Variants in DAB1 observed in about 807,000 individuals in gnomAD.
The protein encoded by DAB1 is DAB adaptor protein 1.
A neutral mutation model predicts 64.6 loss-of-function variants in DAB1; 15 were observed. That is an observed-to-expected ratio of 0.23 (90% CI 0.16 to 0.36). The LOEUF (loss-of-function observed/expected upper bound fraction) is 0.36. Among genes scored for constraint, DAB1 ranks in the 10% least tolerant of loss-of-function variants. DAB1 has a pLI of 1.00. For missense variants in DAB1, 596 were observed against 706.7 expected, an observed-to-expected ratio of 0.84 and a Z score of 1.78; for synonymous variants, 235 against 251.9, an observed-to-expected ratio of 0.93 and a Z score of 0.64.
At chr1:57,155,279 G>T (rs1234989857) in intron 2 of DAB1, among the ~76,000 whole-genome samples, 1 of 152,104 alleles carries the variant, frequency 6.6e-6, no homozygotes, top group Non-Finnish European at 1.5e-5. Context: ...TTATTAGAGA[G>T]ACTTTTTTTT....
At chr1:57,844,910 G>A (rs1322820210) in intron 1 of DAB1, among the ~76,000 whole-genome samples, 1 of 152,060 alleles carries the variant, frequency 6.6e-6, no homozygotes, top group Non-Finnish European at 1.5e-5. Flanking sequence ...CTTCAGCCTT[G>A]GAAATGGCAA....
chr1:57,151,852 T>A (rs1659703719), intron 2 of DAB1, among the ~76,000 whole-genome samples: 1 of 148,626 alleles, frequency 6.7e-6, no homozygotes, highest in South Asian at 2.2e-4. Flanking sequence ...CTCGCTCTAT[T>A]GCCCAGGCTG....
chr1:58,146,305 T>C (rs1654588411), intron 5 of DAB1, among the ~76,000 whole-genome samples: 1 of 152,182 alleles, frequency 6.6e-6, no homozygotes, highest in Admixed American at 6.5e-5. Context: ...CAAATTAACA[T>C]ATCCATATGT....
chr1:57,656,601 T>C lies in DAB1; in HGVS notation n.552-6936A>G, dbSNP rs190220757. Among the ~76,000 whole-genome samples, 29 of 152,262 alleles carry C rather than the reference T, an allele frequency of 1.9e-4. No homozygotes were observed. The East Asian group carries it at 3.9e-3, about 20-fold the overall frequency. ...CTAGATCTTGGAATAAGCCCAAAGT[T>C]CTCAAGCACAGCTCCCAAAAAACCA... On this transcript the variant is annotated intron_variant and non_coding_transcript_variant, in intron 6 of 20. Coordinates refer to the DAB1 transcript ENST00000485760.
chr1:57,975,868 C>A (rs1407407856), intron 5 of DAB1, among the ~76,000 whole-genome samples: 2 of 152,224 alleles, frequency 1.3e-5, no homozygotes, highest in Admixed American at 6.5e-5. Context: ...CGTAACACTA[C>A]AAATGTGCTT....
chr1:57,353,114 TACACACACACAC>T (rs10572319), intron 1 of DAB1, among the ~76,000 whole-genome samples: 27 of 145,636 alleles, frequency 1.9e-4, no homozygotes, highest in African/African-American at 5.3e-4. Context: ...TTTTTTTCCA[TACACACACACAC>T]ACACACACAC....
intron 5 of DAB1, among the ~76,000 whole-genome samples, chr1:58,025,651 G>GTGTATGTA (rs1264790564): frequency 1.3e-5 from 1 of 75,290 alleles, no homozygotes; most frequent in Non-Finnish European, 3.1e-5. Context: ...ATATATGTGT[G>GTGTATGTA]TATATATATA....
At chr1:57,042,982 A>G (rs1156427628) in intron 9 of DAB1, among the ~76,000 whole-genome samples, 2 of 152,104 alleles carry the variant, frequency 1.3e-5, no homozygotes, top group African/African-American at 4.8e-5. Flanking sequence ...AAATTACTCC[A>G]TTTCTAACTT....
intron 5 of DAB1, among the ~76,000 whole-genome samples, chr1:57,920,060 A>G (rs781000439): frequency 1.3e-5 from 2 of 152,110 alleles, no homozygotes; most frequent in Non-Finnish European, 2.9e-5. Context: ...TGACATTCCA[A>G]TGTAGTTAGA....
At chr1:57,858,578 A>T (rs1653862707) in intron 1 of DAB1, among the ~76,000 whole-genome samples, 1 of 151,598 alleles carries the variant, frequency 6.6e-6, no homozygotes, top group African/African-American at 2.4e-5. Context: ...ACAGAACTCC[A>T]CCTCCTAACT....
chr1:57,057,178 G>C (rs1172298492), intron 9 of DAB1, among the ~76,000 whole-genome samples: 1 of 152,080 alleles, frequency 6.6e-6, no homozygotes, highest in Non-Finnish European at 1.5e-5. Context: ...CCCAGATAAT[G>C]GCCAAAAGTA....
intron 4 of DAB1, among the ~76,000 whole-genome samples, chr1:58,202,541 T>C (rs554711231): frequency 6.6e-6 from 1 of 152,348 alleles, no homozygotes; most frequent in African/African-American, 2.4e-5. Flanking sequence ...GATGCTACAC[T>C]GGTTCATGGC....
chr1:57,069,288 C>G, intron 8 of DAB1, 72 bp downstream of exon 8: 1 of 1,284,504 alleles, frequency 7.8e-7, no homozygotes, highest in Non-Finnish European at 1.1e-6. Flanking sequence ...ACCCTTGGTT[C>G]TTTAGACTAT....
chr1:57,211,545 C>T (rs796544887), intron 2 of DAB1, among the ~76,000 whole-genome samples: 5 of 152,264 alleles, frequency 3.3e-5, no homozygotes, highest in African/African-American at 1.2e-4. Context: ...CACCACTTAA[C>T]CCTTGTGTCT....
intron 1 of DAB1, among the ~76,000 whole-genome samples, chr1:58,527,675 G>T (rs1646373733): frequency 6.6e-6 from 1 of 152,102 alleles, no homozygotes; most frequent in Non-Finnish European, 1.5e-5. Flanking sequence ...TTTTAATATG[G>T]TCAAGGAATA....
intron 2 of DAB1, among the ~76,000 whole-genome samples, chr1:57,284,554 G>C (rs1470346494): frequency 3.9e-5 from 6 of 152,104 alleles, no homozygotes; most frequent in Non-Finnish European, 8.8e-5. Context: ...ATGAGAGAGT[G>C]GGGGGCTTAA....
chr1:58,108,579 A>G lies in DAB1; in HGVS notation n.387+41932T>C, dbSNP rs138022232. On this transcript the variant is annotated intron_variant and non_coding_transcript_variant, in intron 5 of 20. Coordinates refer to the DAB1 transcript ENST00000485760. ...TCCTAAGACCCATTGGAACCTTACTAAACCCACATCTTCAGAGATGGTGCC... is the reference window on the plus strand; with the variant it reads ...TCCTAAGACCCATTGGAACCTTACTGAACCCACATCTTCAGAGATGGTGCC... Among the ~76,000 whole-genome samples the G allele has an allele frequency of 2.0e-5, 3 of 152,308 alleles. No homozygotes were observed. The East Asian group carries it at 5.8e-4, about 29-fold the overall frequency.
rs1156697946 is a variant in DAB1, at chr1:58,225,130, C to A, written n.310-74542G>T. On this transcript the variant is annotated intron_variant and non_coding_transcript_variant, in intron 4 of 20. Coordinates refer to the DAB1 transcript ENST00000485760. ...AAATTTACAAGAAAAAAACAAACAA[C>A]CCCATCAAAAAGTGGGCGAAGGATA... is the stretch of plus-strand genomic sequence containing the variant. Among the ~76,000 whole-genome samples the A allele has an allele frequency of 2.6e-5, 4 of 151,864 alleles. No homozygotes were observed. In the East Asian group the frequency reaches 7.7e-4, roughly 29 times the overall value.
intron 3 of DAB1, among the ~76,000 whole-genome samples, chr1:58,489,418 C>A (rs910532758): frequency 6.6e-6 from 1 of 152,148 alleles, no homozygotes; most frequent in Non-Finnish European, 1.5e-5. Flanking sequence ...ATTGCCGAGG[C>A]TTGAGTAGGT....
Sources: allele counts gnomAD v4.1 joint callset (sites outside exome capture counted in the v4.1 genomes callset), GRCh38; gene constraint gnomAD v4.1.1; transcripts MANE v1.5; gene names NCBI Gene and HGNC (gene_info 2026-07-23, HGNC 2026-07-21).